The following MAN1A2 variants were observed in gnomAD, a reference collection of about 807,000 sequenced individuals.
MAN1A2 encodes the protein mannosyl-oligosaccharide 1,2-alpha-mannosidase IB.
Under a neutral mutation model 75.7 loss-of-function variants are expected in MAN1A2, and 26 were observed. That is an observed-to-expected ratio of 0.34 (90% CI 0.25 to 0.48). The LOEUF is 0.48. MAN1A2 is among the 20% of genes least tolerant of loss of function. MAN1A2 has a pLI of 0.99. For missense variants in MAN1A2, 562 were observed against 775.5 expected (o/e 0.72, Z 3.27); for synonymous variants, 247 against 264.6 (o/e 0.93, Z 0.65).
intron 11 of MAN1A2, among the ~76,000 whole-genome samples, chr1:117,501,785 A>C (rs1651209701): frequency 6.6e-6 from 1 of 151,762 alleles, no homozygotes; most frequent in South Asian, 2.1e-4. Context: ...TAGGAAGGAG[A>C]AGCCCAGAAG....
At chr1:117,518,834 G>A (rs1452600906) in intron 12 of MAN1A2, among the ~76,000 whole-genome samples, 1 of 151,950 alleles carries the variant, frequency 6.6e-6, no homozygotes, top group Non-Finnish European at 1.5e-5. Flanking sequence ...GGAACAAATG[G>A]ACTTAACAGA....
intron 4 of MAN1A2, among the ~76,000 whole-genome samples, chr1:117,415,050 G>T (rs941782371): frequency 6.6e-6 from 1 of 151,978 alleles, no homozygotes; most frequent in Non-Finnish European, 1.5e-5. Flanking sequence ...TTAAAGTTGA[G>T]TAATTAGCAC....
chr1:117,414,775 C>G lies in MAN1A2; in HGVS notation c.718C>G (p.His240Asp), dbSNP rs1647935317. The G allele has an allele frequency of 6.2e-7, 1 of 1,610,766 alleles. No individual in the cohort carries two copies. Among genetic ancestry groups the G allele is most frequent in the African/African-American group, 1.3e-5 (1 of 74,748 alleles). The change falls in exon 4 of 13, where the codon CAT becomes GAT. Residue 240 changes from histidine (H) to aspartate (D), a missense_variant. His to Asp is a moderately conservative substitution (Grantham distance 81). Around this residue, in one of 2 missense-constraint regions of MAN1A2, gnomAD observed 434 missense variants for 645.7 expected, o/e 0.67. Transcript: ENST00000356554. ...ALDTLYIMGL[H>D]DEFLDGQRWI... ...GGATACCCTTTATATCATGGGACTT[C>G]ATGATGAATTCCTAGATGGGCAAAG...
chr1:117,447,269 C>G (rs1301636796), intron 6 of MAN1A2, among the ~76,000 whole-genome samples: 1 of 152,058 alleles, frequency 6.6e-6, no homozygotes, highest in East Asian at 1.9e-4. Context: ...TATTCTGTAT[C>G]AACACTTTAT....
Position 117,460,481 on chromosome 1 carries a change from T to G in MAN1A2, c.951-8T>G. The G allele has an allele frequency of 6.3e-7, 1 of 1,599,478 alleles. No individual in the cohort carries two copies. Among genetic ancestry groups the G allele is most frequent in the Non-Finnish European group, 8.5e-7 (1 of 1,175,032 alleles). On this transcript the variant is annotated splice_polypyrimidine_tract_variant and splice_region_variant and intron_variant, in intron 6 of 12. Coordinates refer to ENST00000356554, the MANE Select transcript of MAN1A2 (RefSeq NM_006699.5). Reference sequence around the variant, plus strand: ...CTGTGTCTCCTTTTACTTTTCCTTTTCATTCAGTGGAGTAGGGCGAAACTG... The same window carrying G: ...CTGTGTCTCCTTTTACTTTTCCTTTGCATTCAGTGGAGTAGGGCGAAACTG...
chr1:117,460,516 A>T lies in MAN1A2; in HGVS notation c.978A>T (p.Ala326=). 6.2e-7 allele frequency: 1 copy of T among 1,612,724 alleles called. No homozygotes were observed. The highest frequency in any genetic ancestry group is 8.5e-7 in the Non-Finnish European group (1 of 1,179,362). The change falls in exon 7 of 13, where the codon GCA becomes GCT. Residue 326 remains alanine (A), a synonymous_variant. Transcript: ENST00000356554. ...GAGTAGGGCGAAACTGGGGCTGGGC[A>T]TCTGCAGGTAGCAGCATTCTGGCTG... is the stretch of plus-strand genomic sequence containing the variant. ...KSGVGRNWGW[A]SAGSSILAEF... is the part of the protein sequence containing the mutation.
chr1:117,387,295 G>A (rs1170232451), intron 1 of MAN1A2, among the ~76,000 whole-genome samples: 1 of 152,096 alleles, frequency 6.6e-6, no homozygotes. Flanking sequence ...ATTGCTGAGG[G>A]GAATGTAAAA....
chr1:117,465,212 A>T (rs2101840847), intron 7 of MAN1A2, among the ~76,000 whole-genome samples: 1 of 152,308 alleles, frequency 6.6e-6, no homozygotes, highest in East Asian at 1.9e-4. Context: ...AAATTGAGAA[A>T]AGCTAGTAAA....
At chr1:117,515,353 C>T (rs540017226) in intron 12 of MAN1A2, 881 of 152,454 alleles carry the variant, frequency 5.8e-3, no homozygotes, top group Non-Finnish European at 0.011. Flanking sequence ...ATTTTTGTAT[C>T]TGCGAGAGGT....
At chr1:117,397,525 A>C (rs569552318) in intron 1 of MAN1A2, among the ~76,000 whole-genome samples, 1 of 152,078 alleles carries the variant, frequency 6.6e-6, no homozygotes, top group South Asian at 2.1e-4. Flanking sequence ...AAACTGTTAC[A>C]TGGCAGTGTT....
intron 1 of MAN1A2, among the ~76,000 whole-genome samples, chr1:117,369,090 TA>T (rs1652869076): frequency 6.6e-6 from 1 of 152,182 alleles, no homozygotes; most frequent in African/African-American, 2.4e-5. Flanking sequence ...TCAGTTAAGT[TA>T]AAAGGTATTG....
chr1:117,379,514 G>T (rs1226883624), intron 1 of MAN1A2, among the ~76,000 whole-genome samples: 1 of 152,036 alleles, frequency 6.6e-6, no homozygotes, highest in African/African-American at 2.4e-5. Context: ...TCATTTTAAA[G>T]TGAGCACTTA....
chr1:117,394,249 T>C (rs773174324), intron 1 of MAN1A2, among the ~76,000 whole-genome samples: 7 of 152,094 alleles, frequency 4.6e-5, no homozygotes, highest in Non-Finnish European at 7.4e-5. Context: ...GCCTGGCTAA[T>C]TTTTTTGTAT....
intron 6 of MAN1A2, among the ~76,000 whole-genome samples, chr1:117,448,448 A>G (rs1229086449): frequency 6.6e-6 from 1 of 152,196 alleles, no homozygotes; most frequent in Non-Finnish European, 1.5e-5. Flanking sequence ...GATAGCAGTA[A>G]AGGACTTTAC....
In MAN1A2 at chr1:117,526,736, T is replaced by C. The variant is rs139530073; in HGVS notation, c.*3779T>C. The C allele has an allele frequency of 5.9e-4, 89 of 150,896 alleles. No individual in the cohort carries two copies. In the East Asian group the frequency reaches 0.016, roughly 27 times the overall value. The allele number at this position is 150,896 out of a possible 1,614,324, so 9.3% of individuals were successfully genotyped here. On this transcript the variant is annotated 3_prime_UTR_variant, in exon 13 of 13. Transcript: ENST00000356554. ...CCATGCTGTTAAATATAAAGAAAAATATACTAAAATATTCAAAGTTCCAAA... is the reference window on the plus strand; with the variant it reads ...CCATGCTGTTAAATATAAAGAAAAACATACTAAAATATTCAAAGTTCCAAA...
chr1:117,394,656 G>A (rs1653849967), intron 1 of MAN1A2, among the ~76,000 whole-genome samples: 1 of 152,178 alleles, frequency 6.6e-6, no homozygotes, highest in Non-Finnish European at 1.5e-5. Context: ...AGGGTACATT[G>A]AAGATGATAA....
intron 2 of MAN1A2, among the ~76,000 whole-genome samples, chr1:117,404,123 T>G (rs965607720): frequency 6.6e-6 from 1 of 152,224 alleles, no homozygotes; most frequent in Non-Finnish European, 1.5e-5. Flanking sequence ...AAACTCCACT[T>G]TGTCGTGGTA....
intron 1 of MAN1A2, among the ~76,000 whole-genome samples, chr1:117,382,870 A>G (rs1420705138): frequency 6.6e-6 from 1 of 152,108 alleles, no homozygotes; most frequent in Non-Finnish European, 1.5e-5. Flanking sequence ...ACTAATTTTT[A>G]GTGTTGATGT....
intron 3 of MAN1A2, among the ~76,000 whole-genome samples, chr1:117,412,300 G>A (rs1328114678): frequency 1.3e-5 from 2 of 151,472 alleles, no homozygotes; most frequent in East Asian, 3.9e-4. Context: ...TGAATAAAAT[G>A]GGCCTTTTAT....
Sources: gnomAD v4.1 joint callset for allele counts (sites outside exome capture counted in the v4.1 genomes callset) on GRCh38, gnomAD v4.1.1 for gene constraint, gnomAD v4.1.1 regional missense constraint, MANE v1.5 for transcripts, NCBI Gene and HGNC (gene_info 2026-07-23, HGNC 2026-07-21) for gene names.